Variants in MBD2 observed in about 807,000 individuals in gnomAD.
MBD2 encodes methyl-CpG binding domain protein 2.
A neutral mutation model predicts 39.3 loss-of-function variants in MBD2; 9 were observed. That is an observed-to-expected ratio of 0.23 (90% CI 0.14 to 0.40). The LOEUF is 0.40. Ranked by LOEUF, MBD2 falls within the 10% of genes least tolerant of loss-of-function variation. The pLI, the probability that MBD2 is intolerant of heterozygous loss-of-function variation, is 1.00. For missense variants in MBD2, 458 were observed against 532.6 expected (o/e 0.86, Z 1.38); for synonymous variants, 233 against 211.1 (o/e 1.10, Z -0.90).
At chr18:54,218,134 G>A (rs142596721) in intron 1 of MBD2, among the ~76,000 whole-genome samples, 4 of 152,270 alleles carry the variant, frequency 2.6e-5, no homozygotes, top group Non-Finnish European at 5.9e-5. Flanking sequence ...AAATTGATCT[G>A]TACGGTATAT....
At chr18:54,183,191 T>C (rs1481784214) in intron 3 of MBD2, among the ~76,000 whole-genome samples, 1 of 152,128 alleles carries the variant, frequency 6.6e-6, no homozygotes, top group East Asian at 1.9e-4. Flanking sequence ...AAGGAGTTCA[T>C]AGAGATAAAG....
At chr18:54,182,112 T>C (rs886154842) in intron 3 of MBD2, among the ~76,000 whole-genome samples, 1 of 152,232 alleles carries the variant, frequency 6.6e-6, no homozygotes, top group African/African-American at 2.4e-5. Context: ...TTCACTGCAG[T>C]ATCCCATTGT....
rs531086629 is a variant in MBD2, at chr18:54,215,653, G to A, written c.542+8365C>T. On this transcript the variant is annotated intron_variant, in intron 1 of 6. Coordinates refer to ENST00000256429, the MANE Select transcript of MBD2 (RefSeq NM_003927.5). ...TGGGATTACAGACACACATCACCAC[G>A]CCCATCTAATTTTTGTATTTTTAGT... 3.1e-4 allele frequency among the ~76,000 whole-genome samples: 47 copies of A among 151,704 alleles called. 2 individuals carry two copies. The highest frequency in any genetic ancestry group is 1.6e-3 in the Admixed American group (25 of 15,230).
chr18:54,202,643 C>A, intron 2 of MBD2: 1 of 902,640 alleles, frequency 1.1e-6, no homozygotes, highest in Non-Finnish European at 1.4e-6. Context: ...AGGCAGAAAG[C>A]TTCAGAAAAC....
chr18:54,185,982 A>C (rs1222770796), intron 3 of MBD2, among the ~76,000 whole-genome samples: 1 of 152,084 alleles, frequency 6.6e-6, no homozygotes, highest in Non-Finnish European at 1.5e-5. Context: ...CGTAATTTAT[A>C]TATTTTATAG....
At chr18:54,173,197 C>T (rs559286491) in intron 3 of MBD2, among the ~76,000 whole-genome samples, 1 of 152,226 alleles carries the variant, frequency 6.6e-6, no homozygotes, top group East Asian at 1.9e-4. Context: ...TCCCCTCCTC[C>T]AGGCCAGACT....
intron 2 of MBD2, among the ~76,000 whole-genome samples, chr18:54,193,903 CTCTT>C (rs1372004151): frequency 4.6e-5 from 7 of 152,110 alleles, no homozygotes; most frequent in South Asian, 2.1e-4. Context: ...ATTTCAAATG[CTCTT>C]TCTTTTTTCA....
intron 2 of MBD2, among the ~76,000 whole-genome samples, chr18:54,200,808 G>A (rs756799666): frequency 2.6e-5 from 4 of 152,208 alleles, no homozygotes; most frequent in South Asian, 2.1e-4. Flanking sequence ...GGCCGAGCGC[G>A]GTGGCTCACG....
chr18:54,222,797 A>G (rs1599117089), intron 1 of MBD2, among the ~76,000 whole-genome samples: 1 of 152,278 alleles, frequency 6.6e-6, no homozygotes, highest in South Asian at 2.1e-4. Flanking sequence ...TCGTATTTAC[A>G]TGCTGCACCA....
intron 2 of MBD2, among the ~76,000 whole-genome samples, chr18:54,193,794 G>T (rs2086342088): frequency 6.6e-6 from 1 of 152,062 alleles, no homozygotes; most frequent in African/African-American, 2.4e-5. Context: ...TCAGAAAGGA[G>T]GACGCATACC....
At chr18:54,162,035 G>C (rs572788649) in intron 5 of MBD2, among the ~76,000 whole-genome samples, 11 of 152,172 alleles carry the variant, frequency 7.2e-5, no homozygotes, top group Non-Finnish European at 1.6e-4. Flanking sequence ...TAGCCAAGAA[G>C]AGAACAGGGG....
In MBD2 at chr18:54,224,091, G is replaced by T. The variant is rs752630383; in HGVS notation, c.469C>A (p.Pro157Thr). The change falls in exon 1 of 7, where the codon CCC (proline) becomes ACC (threonine). Residue 157 changes from proline to threonine, a missense_variant. Pro to Thr is a conservative substitution (Grantham distance 38). This residue lies in a region of MBD2 where 269 missense variants were observed against 236.0 expected (regional missense o/e 1.14). Coordinates refer to ENST00000256429, the MANE Select transcript of MBD2 (RefSeq NM_003927.5). ...ATCACTTCCTCCTTCTTCCATCCGGGGGGGAGGGCCGGGCAATCCATCCTC... is the reference window on the plus strand; with the variant it reads ...ATCACTTCCTCCTTCTTCCATCCGGTGGGGAGGGCCGGGCAATCCATCCTC... The part of the protein sequence containing the change: ...GKRMDCPALP[P>T]GWKKEEVIRK... 2 of 1,596,486 alleles carry T rather than the reference G, an allele frequency of 1.3e-6. No individual in the cohort carries two copies. The highest frequency in any genetic ancestry group is 1.7e-6 in the Non-Finnish European group (2 of 1,174,804).
At chr18:54,207,711 T>G (rs1048020598) in intron 1 of MBD2, among the ~76,000 whole-genome samples, 1 of 152,228 alleles carries the variant, frequency 6.6e-6, no homozygotes, top group Admixed American at 6.5e-5. Context: ...TATGAAAAAT[T>G]AGTAACATTA....
At chr18:54,214,690 C>A (rs1273350908) in intron 1 of MBD2, among the ~76,000 whole-genome samples, 1 of 151,802 alleles carries the variant, frequency 6.6e-6, no homozygotes. Flanking sequence ...CTACACATGG[C>A]AAGCACATTT....
chr18:54,224,088 C>CGG lies in MBD2; in HGVS notation c.470_471dup (p.Gly158ProfsTer8). 6.3e-7 allele frequency: 1 copy of CGG among 1,595,184 alleles called. No individual in the cohort carries two copies. Among genetic ancestry groups the CGG allele is most frequent in the Non-Finnish European group, 8.5e-7 (1 of 1,173,554 alleles). ...CGGATCACTTCCTCCTTCTTCCATCCGGGGGGGAGGGCCGGGCAATCCATC... is the reference window on the plus strand; with the variant it reads ...CGGATCACTTCCTCCTTCTTCCATCCGGGGGGGGGAGGGCCGGGCAATCCATC... On this transcript the variant is annotated frameshift_variant, in exon 1 of 7. Transcript: ENST00000256429. LOFTEE classifies it high-confidence loss of function.
chr18:54,168,627 G>GCATATT lies in MBD2; in HGVS notation c.841-2462_841-2461insAATATG, dbSNP rs2086155732. Among the ~76,000 whole-genome samples, 2 of 63,880 alleles carry GCATATT rather than the reference G, an allele frequency of 3.1e-5. 1 individual carries two copies. The highest frequency in any genetic ancestry group is 2.1e-4 in the African/African-American group (2 of 9,662). The allele number at this position is 63,880 out of a possible 152,430, so 41.9% of individuals were successfully genotyped here. ...TGTATGCATATTTGTGTGTGTGTGT[G>GCATATT]TGTGTGTGTGTGTGTGTGTGTGTGT... is the stretch of plus-strand genomic sequence containing the variant. On this transcript the variant is annotated intron_variant, in intron 3 of 6. Transcript: ENST00000256429.
rs1270364667 is a variant in MBD2 at position 54,153,844 on chromosome 18, G to C, written c.*1480C>G. ...ATGGCCCTAGGGTCCAGGGATCAAA[G>C]TTGAGCGTAAATCAGGAATTCCAAG... On this transcript the variant is annotated 3_prime_UTR_variant, in exon 7 of 7. Transcript: ENST00000256429. The C allele has an allele frequency of 6.6e-6, 1 of 152,204 alleles. No homozygotes were observed. Among genetic ancestry groups the C allele is most frequent in the Non-Finnish European group, 1.5e-5 (1 of 68,050 alleles). 9.4% of individuals were successfully genotyped at this position (152,204 alleles called of 1,614,324 possible). A position where few individuals can be genotyped will look rare whatever the true frequency, so the allele number is the denominator to read the frequency against.
chr18:54,213,734 G>A (rs12232598), intron 1 of MBD2, among the ~76,000 whole-genome samples: 44,723 of 152,078 alleles, frequency 0.29, 7,702 homozygotes, highest in East Asian at 0.56. Flanking sequence ...AAGCAAGACT[G>A]GCCAGGAGCT....
intron 2 of MBD2, among the ~76,000 whole-genome samples, chr18:54,193,235 C>T (rs2086336007): frequency 6.6e-6 from 1 of 152,124 alleles, no homozygotes; most frequent in Non-Finnish European, 1.5e-5. Flanking sequence ...CTACCATCAC[C>T]GTCGGAGTTA....
Sources: gnomAD v4.1 joint callset for allele counts (sites outside exome capture counted in the v4.1 genomes callset) on GRCh38, gnomAD v4.1.1 for gene constraint, gnomAD v4.1.1 regional missense constraint, MANE v1.5 for transcripts, NCBI Gene and HGNC (gene_info 2026-07-23, HGNC 2026-07-21) for gene names.